The following GCNT1 variants were observed in gnomAD, a reference collection of about 807,000 sequenced individuals.
The protein encoded by GCNT1 is glucosaminyl (N-acetyl) transferase 1.
Under a neutral mutation model 26.2 loss-of-function variants are expected in GCNT1, and 16 were observed. The ratio of observed to expected loss-of-function variants is 0.61; its 90% CI spans 0.41 to 0.93. The LOEUF (loss-of-function observed/expected upper bound fraction) is 0.93. GCNT1 is among the 40% of genes least tolerant of loss of function. GCNT1 has a pLI of 0.00. For missense variants in GCNT1, 477 were observed against 526.7 expected (o/e 0.91, Z 0.92); for synonymous variants, 183 against 190.8 (o/e 0.96, Z 0.34).
chr9:76,406,250 T>C, the GCNT1 span, among the ~76,000 whole-genome samples: 1 of 152,192 alleles, frequency 6.6e-6, no homozygotes, highest in Non-Finnish European at 1.5e-5. Context: ...ATCTCAGCAC[T>C]TTGGGAGGCC....
At chr9:76,440,418 C>A (rs1024849945), upstream of GCNT1, among the ~76,000 whole-genome samples, 13 of 152,218 alleles carry the variant, frequency 8.5e-5, no homozygotes, top group African/African-American at 2.4e-4. Flanking sequence ...CATCAATCTA[C>A]ATTTCCCTGA....
At chr9:76,420,904 A>G (rs1021322440) in intron 1 of GCNT1, among the ~76,000 whole-genome samples, 3 of 147,804 alleles carry the variant, frequency 2.0e-5, no homozygotes, top group Admixed American at 7.0e-5. Flanking sequence ...ACACCACTGC[A>G]CTCCAGCCTG....
chr9:76,452,591 G>A (rs774043239), intron 1 of GCNT1, among the ~76,000 whole-genome samples: 9 of 152,126 alleles, frequency 5.9e-5, no homozygotes, highest in Non-Finnish European at 1.3e-4. Flanking sequence ...TACACGGCTG[G>A]AGCAGGGGGA....
intron 2 of GCNT1, among the ~76,000 whole-genome samples, chr9:76,464,042 T>G (rs990356439): frequency 6.6e-6 from 1 of 151,146 alleles, no homozygotes; most frequent in Non-Finnish European, 1.5e-5. Flanking sequence ...TTTTTTGTTT[T>G]TTTTTTTTTT....
At chr9:76,436,157 G>A (rs1468953722) in intron 1 of GCNT1, among the ~76,000 whole-genome samples, 1 of 151,444 alleles carries the variant, frequency 6.6e-6, no homozygotes, top group Non-Finnish European at 1.5e-5. Context: ...TCACCATGTT[G>A]CCCAGGATGG....
chr9:76,421,676 T>TTG (rs1823197369), intron 1 of GCNT1, among the ~76,000 whole-genome samples: 1 of 146,918 alleles, frequency 6.8e-6, no homozygotes, highest in Non-Finnish European at 1.5e-5. Flanking sequence ...GCAACTCAAT[T>TTG]TGTTTGTAGG....
At chr9:76,497,528 C>A (rs750235591) in intron 2 of GCNT1, among the ~76,000 whole-genome samples, 3 of 152,148 alleles carry the variant, frequency 2.0e-5, no homozygotes, top group Non-Finnish European at 4.4e-5. Context: ...TAGACACTTA[C>A]CCATCTTGTT....
chr9:76,443,272 G>A (rs1013684305), intron 1 of GCNT1, among the ~76,000 whole-genome samples: 3 of 152,156 alleles, frequency 2.0e-5, no homozygotes, highest in African/African-American at 4.8e-5. Context: ...GAAATATAGA[G>A]GTGTGAAGTG....
intron 2 of GCNT1, among the ~76,000 whole-genome samples, chr9:76,468,038 C>T (rs1824045205): frequency 1.3e-5 from 2 of 150,976 alleles, no homozygotes; most frequent in African/African-American, 4.9e-5. Flanking sequence ...TTCTGAGTAG[C>T]TGGGATTACA....
chr9:76,473,976 G>A (rs535521002), intron 2 of GCNT1, among the ~76,000 whole-genome samples: 1 of 152,178 alleles, frequency 6.6e-6, no homozygotes, highest in Non-Finnish European at 1.5e-5. Context: ...GCATGTGCCT[G>A]TACTCCCAGC....
chr9:76,419,223 A>T (rs1823159217), upstream of GCNT1, among the ~76,000 whole-genome samples: 1 of 152,054 alleles, frequency 6.6e-6, no homozygotes, highest in Non-Finnish European at 1.5e-5. Flanking sequence ...TATTTACATG[A>T]TTATTGGCTG....
At chr9:76,482,627 A>C (rs1466287513) in intron 2 of GCNT1, among the ~76,000 whole-genome samples, 1 of 151,928 alleles carries the variant, frequency 6.6e-6, no homozygotes, top group Non-Finnish European at 1.5e-5. Context: ...CCATCTCAAA[A>C]AAAAAAGAAC....
chr9:76,451,799 A>G (rs1304168890), intron 1 of GCNT1, among the ~76,000 whole-genome samples: 1 of 152,144 alleles, frequency 6.6e-6, no homozygotes, highest in Admixed American at 6.5e-5. Context: ...TAATATACCT[A>G]CAGAGAAAAC....
intron 2 of GCNT1, among the ~76,000 whole-genome samples, chr9:76,482,257 T>C (rs764027165): frequency 6.6e-6 from 1 of 151,624 alleles, no homozygotes; most frequent in Non-Finnish European, 1.5e-5. Context: ...AATCTCCTAC[T>C]CCCTAAAACT....
chr9:76,395,418 C>G, the GCNT1 span, among the ~76,000 whole-genome samples: 8 of 151,786 alleles, frequency 5.3e-5, 1 homozygote, highest in Non-Finnish European at 8.8e-5. Context: ...TAAGATTTAC[C>G]TGATATTAAA....
chr9:76,483,336 CTAAA>C (rs569013557), intron 2 of GCNT1, among the ~76,000 whole-genome samples: 1 of 151,980 alleles, frequency 6.6e-6, no homozygotes, highest in East Asian at 1.9e-4. Flanking sequence ...TTTCATATCT[CTAAA>C]TAATAATGCT....
chr9:76,480,332 A>G (rs1046010698), intron 2 of GCNT1, among the ~76,000 whole-genome samples: 5 of 152,124 alleles, frequency 3.3e-5, no homozygotes, highest in Admixed American at 2.6e-4. Context: ...TGACTTGGCA[A>G]TGCGGGCTCT....
chr9:76,497,395 A>G (rs969040388), intron 2 of GCNT1, among the ~76,000 whole-genome samples: 9 of 152,176 alleles, frequency 5.9e-5, no homozygotes, highest in Non-Finnish European at 1.3e-4. Context: ...ATGTCTTGAA[A>G]TTAGGTTGGT....
At chr9:76,489,108 T>C (rs1457157481) in intron 2 of GCNT1, among the ~76,000 whole-genome samples, 1 of 152,198 alleles carries the variant, frequency 6.6e-6, no homozygotes, top group African/African-American at 2.4e-5. Flanking sequence ...AAGGTACCTA[T>C]ATCTGGTCTC....
Sources: gnomAD v4.1 joint callset for allele counts (sites outside exome capture counted in the v4.1 genomes callset) on GRCh38, gnomAD v4.1.1 for gene constraint, MANE v1.5 for transcripts, NCBI Gene and HGNC (gene_info 2026-07-23, HGNC 2026-07-21) for gene names.